Variants in FLNA observed in about 807,000 individuals in gnomAD.
FLNA encodes filamin-A.
Under a neutral mutation model 157.6 loss-of-function variants are expected in FLNA, and 7 were observed. That is an observed-to-expected ratio of 0.04 (90% CI 0.03 to 0.08). The LOEUF (loss-of-function observed/expected upper bound fraction) is 0.08, where lower values mean the gene tolerates loss of function less well. Ranked by LOEUF, FLNA falls within the 10% of genes least tolerant of loss-of-function variation. The pLI, the probability that FLNA is intolerant of heterozygous loss-of-function variation, is 1.00. For synonymous variants in FLNA, 1,103 were observed against 1,060.8 expected (o/e 1.04, Z -0.77); for missense variants, 1,750 against 2,398.4 (o/e 0.73, Z 5.65).
chrX:154,374,355 G>A (rs1158494324), intron 1 of FLNA, among the ~76,000 whole-genome samples, 151 bp downstream of exon 1: 1 of 112,659 alleles, frequency 8.9e-6, no homozygotes, highest in Non-Finnish European at 1.9e-5. Context: ...GCCTCCATCG[G>A]CTCACGCATC....
rs782382389 is a variant in FLNA at position 154,359,746 on chromosome X, G to A, written c.3965C>T (p.Thr1322Met). Residue 1322 changes from threonine (T) to methionine (M), a missense_variant, in exon 23 of 48, where the codon ACG (threonine) becomes ATG (methionine). Around this residue, in one of 5 missense-constraint regions of FLNA, gnomAD observed 970 missense variants for 1,302.6 expected, o/e 0.74. Coordinates refer to ENST00000369850, the MANE Select transcript of FLNA (RefSeq NM_001110556.2). ...RGDGMYKVEYTPYEEGLHSVD... is the reference protein window; with the variant it reads ...RGDGMYKVEYMPYEEGLHSVD... ...CCAGCACGCACCCTCCTCGTAAGGC[G>A]TGTACTCCACTTTGTACATGCCATC... The A allele has an allele frequency of 5.0e-6, 6 of 1,208,955 alleles. No individual in the cohort carries two copies. Among genetic ancestry groups the A allele is most frequent in the South Asian group, 1.8e-5 (1 of 56,853 alleles).
rs782353342 is a variant in FLNA, at chrX:154,362,625, C to G, written c.2404+36G>C. ...AGGCTGAGACCTCGCAGGGACACCC[C>G]AGCCACCTGCCCTCCCACCCACAGC... On this transcript the variant is annotated intron_variant, in intron 16 of 47. Coordinates refer to ENST00000369850, the MANE Select transcript of FLNA (RefSeq NM_001110556.2). 3.3e-6 allele frequency: 4 copies of G among 1,211,000 alleles called. No homozygotes were observed. The South Asian group carries it at 7.0e-5, about 21-fold the overall frequency.
rs782383611 is a variant in FLNA at position 154,349,563 on chromosome X, G to A, written c.7555C>T (p.Pro2519Ser). Residue 2519 changes from proline (P) to serine (S), a missense_variant and splice_region_variant, in exon 47 of 48, where the codon CCC (proline) becomes TCC (serine). Transcript: ENST00000369850. ...AGGCTGTGGTTGCTGACGAGACGGG[G>A]GCCTGCAAGGCAGAGTGGGTGGGGC... is the stretch of plus-strand genomic sequence containing the variant. ...GSPFKAKVTG[P>S]RLVSNHSLHE... 5.4e-5 allele frequency: 65 copies of A among 1,211,108 alleles called. No homozygotes were observed. Among genetic ancestry groups the A allele is most frequent in the Non-Finnish European group, 7.1e-5 (64 of 895,118 alleles).
intron 31 of FLNA, 31 bp from the exon 32 acceptor site, chrX:154,354,742 GTC>G (rs1557176550): frequency 1.7e-6 from 2 of 1,207,723 alleles, no homozygotes; most frequent in Admixed American, 4.3e-5. Context: ...CTGCTGGAGA[GTC>G]TGTTGTCACA....
At chrX:154,369,130 G>A (rs2067784983) in intron 2 of FLNA, among the ~76,000 whole-genome samples, 1 of 112,804 alleles carries the variant, frequency 8.9e-6, no homozygotes, top group African/African-American at 3.2e-5. Flanking sequence ...GGGCTGGGCT[G>A]TCCATGGCAG....
rs782617989 is a variant in FLNA at position 154,353,293 on chromosome X, T to C, written c.6022+3A>G. 17 of 1,210,455 alleles carry C rather than the reference T, an allele frequency of 1.4e-5. No individual in the cohort carries two copies. Among genetic ancestry groups the C allele is most frequent in the Non-Finnish European group, 2.2e-6 (2 of 895,344 alleles). ...GAACCCCCTGGACCCTTCAGCCGCT[T>C]ACCCACGTGGCCATTACGCAGCCGC... On this transcript the variant is annotated splice_donor_region_variant and intron_variant, in intron 37 of 47. Transcript: ENST00000369850.
chrX:154,361,257 C>A (rs1187269945), intron 21 of FLNA, 51 bp downstream of exon 21: 18 of 1,179,354 alleles, frequency 1.5e-5, no homozygotes, highest in Non-Finnish European at 2.1e-5. Context: ...CTTTGGGGCC[C>A]TCAGAGAGCA....
intron 2 of FLNA, among the ~76,000 whole-genome samples, chrX:154,368,571 G>A (rs1272406385): frequency 8.9e-6 from 1 of 112,224 alleles, no homozygotes; most frequent in Non-Finnish European, 1.9e-5. Flanking sequence ...GAAGGTGGGT[G>A]GCCCTGGGTG....
At chrX:154,356,380 A>G (rs2067662913) in intron 30 of FLNA, among the ~76,000 whole-genome samples, 1 of 111,634 alleles carries the variant, frequency 9.0e-6, no homozygotes, top group African/African-American at 3.3e-5. Flanking sequence ...CCCACCCTCA[A>G]AGCCCCCAAG....
At chrX:154,356,718 C>A (rs1276840235) in intron 30 of FLNA, among the ~76,000 whole-genome samples, 1 of 112,541 alleles carries the variant, frequency 8.9e-6, no homozygotes, top group African/African-American at 3.2e-5. Context: ...GGGCCGGGCC[C>A]CGCCATGCTG....
At chrX:154,360,610 G>A (rs782366635) in intron 21 of FLNA, 23 bp from the exon 22 acceptor site, 1 of 1,160,094 alleles carries the variant, frequency 8.6e-7, no homozygotes, top group African/African-American at 1.8e-5. Flanking sequence ...GGGGTCAGGA[G>A]CCAAGGCCAC....
rs1569551724 is a variant in FLNA at position 154,361,447 on chromosome X, C to A, written c.3068G>T (p.Gly1023Val). ...CACCACACTGTTGTCAGCCCCCAGG[C>A]CTGGCTCCACCTTGCAGGGCACCGC... Reference protein sequence around the residue: ...GAAVPCKVEPGLGADNSVVRF... With the variant: ...GAAVPCKVEPVLGADNSVVRF... Residue 1023 changes from glycine to valine, a missense_variant, in exon 21 of 48, where the codon GGC becomes GTC. Gly to Val is a moderately radical substitution (Grantham distance 109). Transcript: ENST00000369850. 1 of 1,211,357 alleles carries A rather than the reference C, an allele frequency of 8.3e-7. No homozygotes were observed. The highest frequency in any genetic ancestry group is 1.1e-6 in the Non-Finnish European group (1 of 895,480).
At position 154,371,178 on chromosome X, in the gene FLNA, G is replaced by T; in HGVS notation, c.68C>A (p.Thr23Lys). The change falls in exon 2 of 48, where the codon ACG (threonine) becomes AAG (lysine). Residue 23 changes from threonine to lysine, a missense_variant. By Grantham distance (78) the Thr-to-Lys change is moderately conservative (BLOSUM62 -1). Around this residue, in one of 5 missense-constraint regions of FLNA, gnomAD observed 58 missense variants for 27.8 expected, o/e 2.09. Transcript: ENST00000369850. The part of the protein sequence containing the change: ...AGAAPGGGVD[T>K]RDAEMPATEK... Reference sequence around the variant, plus strand: ...GGTGGCCGGCATCTCGGCGTCCCGCGTGTCGACGCCGCCGCCCGGAGCCGC... The same window carrying T: ...GGTGGCCGGCATCTCGGCGTCCCGCTTGTCGACGCCGCCGCCCGGAGCCGC... 2.5e-6 allele frequency: 3 copies of T among 1,196,006 alleles called. No homozygotes were observed. Among genetic ancestry groups the T allele is most frequent in the Non-Finnish European group, 2.3e-6 (2 of 888,063 alleles).
chrX:154,353,199 A>G lies in FLNA; in HGVS notation c.6028T>C (p.Ser2010Pro), dbSNP rs368739356. The change falls in exon 38 of 48, where the codon TCA (serine) becomes CCA (proline). Residue 2010 changes from serine (S) to proline (P), a missense_variant. By Grantham distance (74) the Ser-to-Pro change is moderately conservative (BLOSUM62 -1). Around this residue, in one of 5 missense-constraint regions of FLNA, gnomAD observed 970 missense variants for 1,302.6 expected, o/e 0.74. Coordinates refer to ENST00000369850, the MANE Select transcript of FLNA (RefSeq NM_001110556.2). ...TCCCCCGTCTCCTTGGGCACGAATG[A>G]AATCCCTGGACACAGGGCATGGCTG... is the stretch of plus-strand genomic sequence containing the variant. ...KRLRNGHVGI[S>P]FVPKETGEHL... The G allele has an allele frequency of 4.1e-6, 5 of 1,210,015 alleles. No homozygotes were observed. In the African/African-American group the frequency reaches 8.7e-5, roughly 21 times the overall value.
At chrX:154,360,679 C>A in intron 21 of FLNA, 92 bp from the exon 22 acceptor site, 1 of 834,780 alleles carries the variant, frequency 1.2e-6, no homozygotes, top group Non-Finnish European at 1.7e-6. Context: ...CTTGCCCTGG[C>A]TTCCTGCCCT....
intron 1 of FLNA, among the ~76,000 whole-genome samples, chrX:154,373,920 C>T (rs1406418287): frequency 8.9e-6 from 1 of 112,955 alleles, no homozygotes; most frequent in African/African-American, 3.2e-5. Flanking sequence ...GCTGGCAGTG[C>T]GCATCCAACT....
intron 35 of FLNA, 71 bp from the exon 36 acceptor site, chrX:154,353,798 C>T (rs1290278660): frequency 9.2e-6 from 11 of 1,193,651 alleles, no homozygotes; most frequent in South Asian, 1.8e-5. Context: ...TGAGGAGCTC[C>T]GATGGCCAGG....
Position 154,371,286 on chromosome X carries a change from G to A in FLNA, c.-41C>T, listed in dbSNP as rs1557180322. ...GCCGGGGGGGCGGTGCTGCAGCCTC[G>A]GCGAGGGGACGGCCCTTTAATTAAA... On this transcript the variant is annotated 5_prime_UTR_variant, in exon 2 of 48. Transcript: ENST00000369850. 3 of 1,188,905 alleles carry A rather than the reference G, an allele frequency of 2.5e-6. No homozygotes were observed. Among genetic ancestry groups the A allele is most frequent in the Non-Finnish European group, 3.4e-6 (3 of 888,023 alleles).
chrX:154,352,015 A>G lies in FLNA; in HGVS notation c.6776T>C (p.Phe2259Ser), dbSNP rs1276647740. ...ERAEAGVPAE[F>S]SIWTREAGAG... ...ACCAGCTTCCCGGGTCCAGATACTG[A>G]ATTCGGCTGTGGGAGAACAGTTTGT... Residue 2259 changes from phenylalanine (F) to serine (S), a missense_variant, in exon 42 of 48, where the codon TTC becomes TCC. Coordinates refer to ENST00000369850, the MANE Select transcript of FLNA (RefSeq NM_001110556.2). The G allele has an allele frequency of 3.3e-6, 4 of 1,211,439 alleles. No homozygotes were observed. The highest frequency in any genetic ancestry group is 4.5e-6 in the Non-Finnish European group (4 of 895,538).
Sources: allele counts gnomAD v4.1 joint callset (sites outside exome capture counted in the v4.1 genomes callset), GRCh38; gene constraint gnomAD v4.1.1; regional missense constraint gnomAD v4.1.1; transcripts MANE v1.5; gene names NCBI Gene and HGNC (gene_info 2026-07-23, HGNC 2026-07-21).